The following ARID4A variants were observed in gnomAD, a reference collection of about 807,000 sequenced individuals.
ARID4A encodes AT-rich interactive domain-containing protein 4A.
ARID4A carries 39 observed loss-of-function variants against 148.6 expected under a neutral mutation model. The ratio of observed to expected loss-of-function variants is 0.26; its 90% CI spans 0.20 to 0.34. ARID4A has a LOEUF of 0.34. ARID4A is among the 10% of genes least tolerant of loss of function. The pLI is 1.00. For synonymous variants in ARID4A, 475 were observed against 481.2 expected, an observed-to-expected ratio of 0.99 and a Z score of 0.17; for missense variants, 1,265 against 1,449.1, an observed-to-expected ratio of 0.87 and a Z score of 2.06.
chr14:58,341,998 A>G (rs927366275), intron 11 of ARID4A, among the ~76,000 whole-genome samples: 2 of 152,186 alleles, frequency 1.3e-5, no homozygotes, highest in African/African-American at 2.4e-5. Context: ...CAGCAGAGAA[A>G]TTGCTATGAA....
rs564602551 is a variant in ARID4A at position 58,323,936 on chromosome 14, G to T, written c.582+319G>T. 3.5e-5 allele frequency among the ~76,000 whole-genome samples: 4 copies of T among 114,456 alleles called. No individual in the cohort carries two copies. In the East Asian group the frequency reaches 7.6e-4, roughly 22 times the overall value. 75.1% of individuals were successfully genotyped at this position (114,456 alleles called of 152,430 possible). A position where few individuals can be genotyped will look rare whatever the true frequency, so the allele number is the denominator to read the frequency against. On this transcript the variant is annotated intron_variant, in intron 8 of 23. Coordinates refer to ENST00000355431, the MANE Select transcript of ARID4A (RefSeq NM_002892.4). ...TTTTTTTTTTTTGAGATGGAGTCTC[G>T]CTCTGTCGCCCAGGTTGGAGTGCAG...
In ARID4A at chr14:58,364,428, A is replaced by C. The variant is rs766132792; in HGVS notation, c.2339A>C (p.Glu780Ala). Residue 780 changes from glutamate to alanine, a missense_variant, in exon 20 of 24, where the codon GAA (glutamate) becomes GCA (alanine). Glu to Ala is a moderately radical substitution (Grantham distance 107, BLOSUM62 -1). Transcript: ENST00000355431. The part of the protein sequence containing the change: ...QIFGNKMEKT[E>A]EVKKEAEKSP... ...TTTGGGAACAAAATGGAAAAAACAG[A>C]AGAAGTTAAGAAAGAAGCCGAAAAA... The C allele has an allele frequency of 4.3e-6, 7 of 1,613,072 alleles. No homozygotes were observed. The East Asian group carries it at 6.7e-5, about 15-fold the overall frequency.
At chr14:58,368,130 T>C (rs950791502) in intron 23 of ARID4A, among the ~76,000 whole-genome samples, 5 of 152,154 alleles carry the variant, frequency 3.3e-5, no homozygotes, top group East Asian at 1.9e-4. Flanking sequence ...GCCTGTAGAC[T>C]TGGGGGCACC....
intron 5 of ARID4A, 59 bp from the exon 6 acceptor site, chr14:58,318,482 CT>C: frequency 1.3e-6 from 2 of 1,490,474 alleles, no homozygotes; most frequent in South Asian, 1.1e-5. Flanking sequence ...GCATTCTGTG[CT>C]TTTAAGTTTT....
chr14:58,301,570 C>T lies in ARID4A; in HGVS notation c.7-10C>T, dbSNP rs1360090050. On this transcript the variant is annotated splice_polypyrimidine_tract_variant and intron_variant, in intron 2 of 23. Coordinates refer to ENST00000355431, the MANE Select transcript of ARID4A (RefSeq NM_002892.4). ...TAATGACATTCACAGTTTTATGTTCCTTTCACCAGGCGGCAGATGAGCCTG... is the reference window on the plus strand; with the variant it reads ...TAATGACATTCACAGTTTTATGTTCTTTTCACCAGGCGGCAGATGAGCCTG... 1 of 1,607,588 alleles carries T rather than the reference C, an allele frequency of 6.2e-7. No homozygotes were observed. The highest frequency in any genetic ancestry group is 8.5e-7 in the Non-Finnish European group (1 of 1,174,730).
intron 8 of ARID4A, 32 bp downstream of exon 8, chr14:58,323,649 C>T (rs994833228): frequency 6.4e-6 from 10 of 1,553,608 alleles, no homozygotes; most frequent in Admixed American, 5.3e-5. Flanking sequence ...AGTTAATCAG[C>T]CGTCTAAATA....
rs374078333 is a variant in ARID4A at position 58,364,433 on chromosome 14, G to T, written c.2344G>T (p.Val782Phe). 1 of 1,613,128 alleles carries T rather than the reference G, an allele frequency of 6.2e-7. No homozygotes were observed. Among genetic ancestry groups the T allele is most frequent in the African/African-American group, 1.3e-5 (1 of 74,964 alleles). The change falls in exon 20 of 24, where the codon GTT becomes TTT. Residue 782 changes from valine to phenylalanine, a missense_variant. By Grantham distance (50) the Val-to-Phe change is conservative. This residue lies in a region of ARID4A where 666 missense variants were observed against 730.9 expected (regional missense o/e 0.91). Coordinates refer to ENST00000355431, the MANE Select transcript of ARID4A (RefSeq NM_002892.4). ...FGNKMEKTEE[V>F]KKEAEKSPKG... Reference sequence around the variant, plus strand: ...GAACAAAATGGAAAAAACAGAAGAAGTTAAGAAAGAAGCCGAAAAATCTCC... The same window carrying T: ...GAACAAAATGGAAAAAACAGAAGAATTTAAGAAAGAAGCCGAAAAATCTCC...
chr14:58,320,173 C>T (rs2032775532), intron 7 of ARID4A, among the ~76,000 whole-genome samples: 2 of 151,982 alleles, frequency 1.3e-5, no homozygotes, highest in African/African-American at 4.8e-5. Flanking sequence ...ATCTCGATCT[C>T]TTGACCTCAT....
In ARID4A at chr14:58,365,220, A is replaced by T. The variant is rs930244809; in HGVS notation, c.3131A>T (p.Glu1044Val). The stretch of plus-strand genomic sequence containing the variant: ...TCTCAAGAAGGTCTCTGTGAGAGGG[A>T]ATCGGCAAATGGATTTGAAACTAAT... ...EESQEGLCER[E>V]SANGFETNVA... Residue 1044 changes from glutamate to valine, a missense_variant, in exon 20 of 24, where the codon GAA becomes GTA. Glu to Val is a moderately radical substitution (Grantham distance 121). Around this residue, in one of 9 missense-constraint regions of ARID4A, gnomAD observed 666 missense variants for 730.9 expected, o/e 0.91. Transcript: ENST00000355431. 1 of 1,613,998 alleles carries T rather than the reference A, an allele frequency of 6.2e-7. No individual in the cohort carries two copies. Among genetic ancestry groups the T allele is most frequent in the African/African-American group, 1.3e-5 (1 of 74,916 alleles).
rs116956680 is a variant in ARID4A, at chr14:58,309,346, G to T, written c.274+3234G>T. On this transcript the variant is annotated intron_variant, in intron 5 of 23. Coordinates refer to ENST00000355431, the MANE Select transcript of ARID4A (RefSeq NM_002892.4). ...GGATTTTTTTGTTTCTGTTTTTTGA[G>T]CAATAGAAATATTTCCTCTTCCTAC... 1.9e-3 allele frequency among the ~76,000 whole-genome samples: 284 copies of T among 152,170 alleles called. 11 individuals are homozygous for T. In the East Asian group the frequency reaches 0.046, roughly 25 times the overall value.
intron 20 of ARID4A, 31 bp from the exon 21 acceptor site, chr14:58,365,487 T>TTTTTC: frequency 7.9e-7 from 1 of 1,266,258 alleles, no homozygotes; most frequent in Non-Finnish European, 1.1e-6. Context: ...TTTTTTTTTT[T>TTTTTC]TTCAACATTC....
In ARID4A at chr14:58,365,056, T is replaced by G; in HGVS notation, c.2967T>G (p.Val989=). The G allele has an allele frequency of 6.2e-7, 1 of 1,614,158 alleles. No individual in the cohort carries two copies. The highest frequency in any genetic ancestry group is 8.5e-7 in the Non-Finnish European group (1 of 1,180,034). ...AAAGCTCTGAGTCTAACTCTCTTGT[T>G]TCTATTCCACCTGCCCTACCTCCTG... is the stretch of plus-strand genomic sequence containing the variant. ...AVESSESNSL[V]SIPPALPPVV... Residue 989 remains valine, a synonymous_variant, in exon 20 of 24, where the codon GTT becomes GTG. Coordinates refer to ENST00000355431, the MANE Select transcript of ARID4A (RefSeq NM_002892.4).
chr14:58,298,971 C>G (rs1295053999), intron 1 of ARID4A, among the ~76,000 whole-genome samples: 1 of 152,216 alleles, frequency 6.6e-6, no homozygotes, highest in Non-Finnish European at 1.5e-5. Flanking sequence ...GCTAAGTTTG[C>G]TTCCGCGCGG....
chr14:58,345,543 C>G (rs1271222860), intron 12 of ARID4A, among the ~76,000 whole-genome samples: 1 of 151,990 alleles, frequency 6.6e-6, no homozygotes, highest in African/African-American at 2.4e-5. Context: ...CATCATACTC[C>G]TTGCCATTTG....
chr14:58,311,109 G>A (rs1347979731), intron 5 of ARID4A, among the ~76,000 whole-genome samples: 1 of 152,084 alleles, frequency 6.6e-6, no homozygotes, highest in Admixed American at 6.5e-5. Flanking sequence ...AGCTGGGTGT[G>A]GTGGTACATG....
In ARID4A at chr14:58,318,535, A is replaced by G. The variant is rs752630213; in HGVS notation, c.275-7A>G. 5.0e-6 allele frequency: 8 copies of G among 1,613,750 alleles called. No individual in the cohort carries two copies. The East Asian group carries it at 1.3e-4, about 27-fold the overall frequency. ...ATAAATTCTCTGTTATCTTTTGCTT[A>G]TTATAGTGTTTGATGATGGTGATGA... On this transcript the variant is annotated splice_region_variant and splice_polypyrimidine_tract_variant and intron_variant, in intron 5 of 23. Transcript: ENST00000355431.
chr14:58,314,140 A>C (rs1193735529), intron 5 of ARID4A, among the ~76,000 whole-genome samples: 1 of 152,224 alleles, frequency 6.6e-6, no homozygotes, highest in Non-Finnish European at 1.5e-5. Context: ...ATTTTTGGAA[A>C]ATATAAGACA....
chr14:58,305,397 T>C (rs560762515), intron 4 of ARID4A, among the ~76,000 whole-genome samples: 4 of 152,260 alleles, frequency 2.6e-5, no homozygotes, highest in African/African-American at 4.8e-5. Flanking sequence ...CTATGTTCAC[T>C]TCCTAATTCA....
intron 11 of ARID4A, among the ~76,000 whole-genome samples, chr14:58,330,892 G>C (rs900781966): frequency 6.9e-4 from 105 of 152,140 alleles, no homozygotes; most frequent in African/African-American, 2.5e-3. Context: ...ATTCTGCAGT[G>C]TTGTATCAAA....
Sources: gnomAD v4.1 joint callset for allele counts (sites outside exome capture counted in the v4.1 genomes callset) on GRCh38, gnomAD v4.1.1 for gene constraint, gnomAD v4.1.1 regional missense constraint, MANE v1.5 for transcripts, NCBI Gene and HGNC (gene_info 2026-07-23, HGNC 2026-07-21) for gene names.